PTPRG: variants seen among roughly 807,000 people sequenced by gnomAD.
PTPRG encodes the protein receptor-type tyrosine-protein phosphatase gamma.
In PTPRG, 102 loss-of-function variants were observed where a neutral mutation model predicts 165.3. The ratio of observed to expected loss-of-function variants is 0.62; its 90% CI spans 0.53 to 0.73. The LOEUF is 0.73. Ranked by LOEUF, PTPRG falls within the 30% of genes least tolerant of loss-of-function variation. The pLI, the probability that PTPRG is intolerant of heterozygous loss-of-function variation, is 0.00. For synonymous variants in PTPRG, 675 were observed against 669.5 expected, an observed-to-expected ratio of 1.01 and a Z score of -0.13; for missense variants, 1,866 against 1,861.4, an observed-to-expected ratio of 1.00 and a Z score of -0.05.
chr3:61,646,708 A>T lies in PTPRG; in HGVS notation c.85+84336A>T, dbSNP rs140532401. 5.5e-3 allele frequency among the ~76,000 whole-genome samples: 843 copies of T among 152,206 alleles called. 2 individuals carry two copies. The highest frequency in any genetic ancestry group is 9.3e-3 in the Non-Finnish European group (633 of 68,004). On this transcript the variant is annotated intron_variant, in intron 1 of 29. Coordinates refer to ENST00000474889, the MANE Select transcript of PTPRG (RefSeq NM_002841.4). The stretch of plus-strand genomic sequence containing the variant: ...ATGTATAGTTTTATGCATTTTTTTC[A>T]TATGTGTAGATTTGTGTGACCAGCA...
At chr3:61,756,947 C>T (rs2033654080) in intron 2 of PTPRG, among the ~76,000 whole-genome samples, 1 of 152,184 alleles carries the variant, frequency 6.6e-6, no homozygotes, top group African/African-American at 2.4e-5. Context: ...ATGTTAAATA[C>T]TGCTCATCTT....
At chr3:62,101,707 T>C (rs893148627) in intron 5 of PTPRG, among the ~76,000 whole-genome samples, 1 of 152,230 alleles carries the variant, frequency 6.6e-6, no homozygotes. Flanking sequence ...CCAGATGTTT[T>C]AGTTTGGCCC....
intron 2 of PTPRG, among the ~76,000 whole-genome samples, chr3:61,957,208 C>T (rs975001902): frequency 2.0e-5 from 3 of 152,204 alleles, no homozygotes; most frequent in African/African-American, 7.2e-5. Flanking sequence ...CACACAGTCT[C>T]TGATGCCTTT....
chr3:61,765,451 C>T (rs181011724), intron 2 of PTPRG, among the ~76,000 whole-genome samples: 5 of 152,112 alleles, frequency 3.3e-5, no homozygotes, highest in African/African-American at 9.6e-5. Flanking sequence ...TCTAAGAGGC[C>T]GTTAGGAAAT....
intron 4 of PTPRG, among the ~76,000 whole-genome samples, chr3:62,006,125 G>T (rs1021886359): frequency 2.0e-5 from 3 of 152,134 alleles, no homozygotes; most frequent in Non-Finnish European, 4.4e-5. Flanking sequence ...CAGGCTTATT[G>T]TTTGACCAGG....
At chr3:62,127,715 A>T (rs1276994866) in intron 5 of PTPRG, among the ~76,000 whole-genome samples, 4 of 152,204 alleles carry the variant, frequency 2.6e-5, no homozygotes, top group African/African-American at 4.8e-5. Context: ...TGATAGAGCA[A>T]AAATTATTAG....
intron 1 of PTPRG, among the ~76,000 whole-genome samples, chr3:61,709,903 T>G (rs1042259226): frequency 6.6e-6 from 1 of 152,190 alleles, no homozygotes; most frequent in Non-Finnish European, 1.5e-5. Flanking sequence ...CATAGATTGC[T>G]GGGCCTTATT....
At chr3:61,694,100 G>T (rs1205377748) in intron 1 of PTPRG, among the ~76,000 whole-genome samples, 1 of 151,886 alleles carries the variant, frequency 6.6e-6, no homozygotes, top group Non-Finnish European at 1.5e-5. Context: ...GGATGAACCA[G>T]CTGGGCTTGA....
At chr3:61,566,229 A>G (rs1409931994) in intron 1 of PTPRG, among the ~76,000 whole-genome samples, 1 of 152,224 alleles carries the variant, frequency 6.6e-6, no homozygotes, top group Non-Finnish European at 1.5e-5. Context: ...AGTATCTCCC[A>G]TTAATTATGG....
intron 2 of PTPRG, among the ~76,000 whole-genome samples, chr3:61,955,573 C>T (rs1559711740): frequency 2.0e-5 from 3 of 152,110 alleles, no homozygotes; most frequent in South Asian, 2.1e-4. Flanking sequence ...GGATCCTGAG[C>T]AATATAGATA....
At position 62,273,660 on chromosome 3, in the gene PTPRG, A is replaced by C. The variant is rs1400393946; in HGVS notation, c.3319-38A>C. 4 of 1,605,776 alleles carry C rather than the reference A, an allele frequency of 2.5e-6. No individual in the cohort carries two copies. Among genetic ancestry groups the C allele is most frequent in the Non-Finnish European group, 3.4e-6 (4 of 1,173,060 alleles). On this transcript the variant is annotated intron_variant, in intron 22 of 29. Transcript: ENST00000474889. The surrounding 1 kb of genome is among the most constrained non-coding windows in gnomAD (Gnocchi z 4.1). Reference sequence around the variant, plus strand: ...TTCATGAATGAGTGGCTAACCCTTAACACTCCCTCAGTGACTACCATGTAT... The same window carrying C: ...TTCATGAATGAGTGGCTAACCCTTACCACTCCCTCAGTGACTACCATGTAT...
At chr3:61,826,810 A>G (rs1407334326) in intron 2 of PTPRG, among the ~76,000 whole-genome samples, 5 of 151,956 alleles carry the variant, frequency 3.3e-5, no homozygotes, top group African/African-American at 1.2e-4. Flanking sequence ...GCCAAATATA[A>G]AACGTTCTAA....
chr3:61,943,365 G>A lies in PTPRG; in HGVS notation c.191-46260G>A, dbSNP rs982854675. ...GCACTTTGGGAGGCTGAGGCAGGTG[G>A]ATCACCTGAGGTCAGGGGTGTTCGA... On this transcript the variant is annotated intron_variant, in intron 2 of 29. Transcript: ENST00000474889. Among the ~76,000 whole-genome samples the A allele has an allele frequency of 6.6e-5, 10 of 152,286 alleles. No individual in the cohort carries two copies. In the South Asian group the frequency reaches 1.9e-3, roughly 28 times the overall value.
intron 2 of PTPRG, among the ~76,000 whole-genome samples, chr3:61,826,156 G>A (rs181553828): frequency 2.0e-5 from 3 of 152,166 alleles, no homozygotes; most frequent in Non-Finnish European, 4.4e-5. Context: ...TGGTTGTGTC[G>A]TTTTGCACGG....
At chr3:61,821,883 T>C (rs182277797) in intron 2 of PTPRG, among the ~76,000 whole-genome samples, 1 of 152,316 alleles carries the variant, frequency 6.6e-6, no homozygotes, top group Admixed American at 6.5e-5. Context: ...TACAGATGAG[T>C]AAACAGAGCT....
chr3:62,073,013 T>A (rs1701260251), intron 4 of PTPRG, among the ~76,000 whole-genome samples: 1 of 152,070 alleles, frequency 6.6e-6, no homozygotes, highest in African/African-American at 2.4e-5. Flanking sequence ...GACAGGGAAA[T>A]AGTTTTGAAG....
chr3:61,672,597 C>T (rs993444294), intron 1 of PTPRG, among the ~76,000 whole-genome samples: 1 of 151,124 alleles, frequency 6.6e-6, no homozygotes, highest in African/African-American at 2.4e-5. Flanking sequence ...GCGCCGCCTG[C>T]AATTGCAGGC....
At chr3:62,201,662 AAAGCGGT>A (rs1259903555) in intron 11 of PTPRG, 108 bp downstream of exon 11, 2 of 1,009,276 alleles carry the variant, frequency 2.0e-6, no homozygotes, top group East Asian at 5.0e-5. Context: ...TGCTCAGTGT[AAAGCGGT>A]TATAGTAGAG....
intron 7 of PTPRG, among the ~76,000 whole-genome samples, chr3:62,159,614 C>T (rs1251175759): frequency 1.3e-5 from 2 of 152,162 alleles, no homozygotes; most frequent in African/African-American, 4.8e-5. Context: ...CACTATTCCA[C>T]TCTCTGCCAC....
Sources: gnomAD v4.1 joint callset for allele counts (sites outside exome capture counted in the v4.1 genomes callset) on GRCh38, gnomAD v4.1.1 for gene constraint, Gnocchi (gnomAD v3.1) non-coding constraint, MANE v1.5 for transcripts, NCBI Gene and HGNC (gene_info 2026-07-23, HGNC 2026-07-21) for gene names.